Variants in DCAF10 observed in about 807,000 individuals in gnomAD.
The protein encoded by DCAF10 is DDB1 and CUL4 associated factor 10, also known as DDB1- and CUL4-associated factor 10.
DCAF10 carries 19 observed loss-of-function variants against 51.9 expected under a neutral mutation model. That is an observed-to-expected ratio of 0.37 (90% confidence interval 0.26 to 0.54). The LOEUF is 0.54. Ranked by LOEUF, DCAF10 falls within the 20% of genes least tolerant of loss-of-function variation. The pLI, the probability that DCAF10 is intolerant of heterozygous loss-of-function variation, is 0.87. For missense variants in DCAF10, 510 were observed against 730.6 expected, an observed-to-expected ratio of 0.70 and a Z score of 3.48; for synonymous variants, 291 against 297.1, an observed-to-expected ratio of 0.98 and a Z score of 0.21.
intron 1 of DCAF10, among the ~76,000 whole-genome samples, chr9:37,809,523 G>A (rs1369715565): frequency 6.6e-6 from 1 of 152,164 alleles, no homozygotes; most frequent in Non-Finnish European, 1.5e-5. Context: ...AAAATGCACA[G>A]ATAATATTCA....
Position 37,801,276 on chromosome 9 carries a change from T to C in DCAF10, c.410T>C (p.Phe137Ser). Reference protein sequence around the residue: ...LKERSLGRGLFVDPARDNFRT... With the variant: ...LKERSLGRGLSVDPARDNFRT... ...GAGCGCAGCCTGGGCCGCGGGCTGT[T>C]CGTGGACCCGGCGCGGGACAATTTT... The change falls in exon 1 of 7, where the codon TTC becomes TCC. Residue 137 changes from phenylalanine (F) to serine (S), a missense_variant. This residue lies in a region of DCAF10 where 251 missense variants were observed against 227.9 expected (regional missense o/e 1.10). Coordinates refer to ENST00000377724, the MANE Select transcript of DCAF10 (RefSeq NM_024345.5). This position sits in a 1 kb window ranked among gnomAD's most constrained non-coding sequence, Gnocchi z 5.5. 1 of 1,595,474 alleles carries C rather than the reference T, an allele frequency of 6.3e-7. No homozygotes were observed. The highest frequency in any genetic ancestry group is 8.5e-7 in the Non-Finnish European group (1 of 1,173,706).
chr9:37,840,873 A>G (rs1830314666), intron 2 of DCAF10, among the ~76,000 whole-genome samples: 1 of 152,036 alleles, frequency 6.6e-6, no homozygotes, highest in Non-Finnish European at 1.5e-5. Flanking sequence ...CTTTTACTGT[A>G]TTTTTTCTAT....
chr9:37,814,212 T>C (rs1829457745), intron 1 of DCAF10, among the ~76,000 whole-genome samples: 1 of 145,650 alleles, frequency 6.9e-6, no homozygotes, highest in Admixed American at 7.0e-5. Context: ...GATCTCAGGT[T>C]ACTGCAACCT....
chr9:37,842,296 T>C lies in DCAF10; in HGVS notation c.851+10T>C. The C allele has an allele frequency of 6.2e-7, 1 of 1,608,510 alleles. No individual in the cohort carries two copies. The highest frequency in any genetic ancestry group is 8.5e-7 in the Non-Finnish European group (1 of 1,177,974). On this transcript the variant is annotated intron_variant, in intron 3 of 6. Coordinates refer to ENST00000377724, the MANE Select transcript of DCAF10 (RefSeq NM_024345.5). ...TTTGGGACACTAACAGGTTTGTGAA[T>C]AGGAGACCATGTTAGGATTATGAAC...
intron 1 of DCAF10, among the ~76,000 whole-genome samples, chr9:37,804,604 C>T (rs1419645924): frequency 6.6e-6 from 1 of 152,040 alleles, no homozygotes; most frequent in African/African-American, 2.4e-5. Context: ...TGGAGAAACC[C>T]TGTCTCTACT....
intron 4 of DCAF10, 76 bp from the exon 5 acceptor site, chr9:37,857,165 A>G: frequency 8.7e-7 from 1 of 1,155,960 alleles, no homozygotes; most frequent in Non-Finnish European, 1.2e-6. Context: ...CTATGGTTCG[A>G]GTAGATAATT....
chr9:37,826,722 A>G (rs567592144), intron 2 of DCAF10, among the ~76,000 whole-genome samples: 1 of 152,292 alleles, frequency 6.6e-6, no homozygotes, highest in South Asian at 2.1e-4. Flanking sequence ...GAGATTTCAG[A>G]ACCTAGCAGT....
chr9:37,802,258 T>C (rs1828976640), intron 1 of DCAF10, among the ~76,000 whole-genome samples: 1 of 152,228 alleles, frequency 6.6e-6, no homozygotes, highest in Non-Finnish European at 1.5e-5. Context: ...AACCAGCTAA[T>C]GGCACTGTTT....
At position 37,829,144 on chromosome 9, in the gene DCAF10, T is replaced by C. The variant is rs1198657112; in HGVS notation, c.653+9743T>C. On this transcript the variant is annotated intron_variant, in intron 2 of 6. Coordinates refer to ENST00000377724, the MANE Select transcript of DCAF10 (RefSeq NM_024345.5). This position sits in a 1 kb window ranked among gnomAD's most constrained non-coding sequence, Gnocchi z 4.2. ...GCCCTTTAGCAAAAGAGGCAGAGAA[T>C]CACCTAAGATAAACTACAATGAACA... 6.6e-6 allele frequency among the ~76,000 whole-genome samples: 1 copy of C among 152,126 alleles called. No individual in the cohort carries two copies. The highest frequency in any genetic ancestry group is 1.9e-4 in the East Asian group (1 of 5,188).
chr9:37,853,543 T>C lies in DCAF10; in HGVS notation c.852-1237T>C, dbSNP rs553998471. Among the ~76,000 whole-genome samples the C allele has an allele frequency of 3.3e-5, 5 of 150,832 alleles. No individual in the cohort carries two copies. The South Asian group carries it at 8.3e-4, about 25-fold the overall frequency. ...GCATGTATGTAAATCTCAATATACA[T>C]TGACTGTAAATTCTATTTTTTTTAA... On this transcript the variant is annotated intron_variant, in intron 3 of 6. Coordinates refer to ENST00000377724, the MANE Select transcript of DCAF10 (RefSeq NM_024345.5).
In DCAF10 at chr9:37,836,317, C is replaced by T. The variant is rs1830164224; in HGVS notation, c.654-5772C>T. 8.1e-6 allele frequency: 13 copies of T among 1,608,036 alleles called. No homozygotes were observed. In the Admixed American group the frequency reaches 1.3e-4, roughly 16 times the overall value. On this transcript the variant is annotated intron_variant, in intron 2 of 6. Transcript: ENST00000377724. ...AGGGTTGCCATGGAAGTAACAAAGA[C>T]ACAATTAGAACAGTTACCAGAACAC...
chr9:37,859,921 T>C, intron 5 of DCAF10, 127 bp from the exon 6 acceptor site: 1 of 1,140,112 alleles, frequency 8.8e-7, no homozygotes, highest in South Asian at 1.5e-5. Context: ...CTTTAACATA[T>C]GGTAGCATAA....
At chr9:37,831,751 C>T (rs987445860) in intron 2 of DCAF10, among the ~76,000 whole-genome samples, 2 of 152,340 alleles carry the variant, frequency 1.3e-5, no homozygotes, top group East Asian at 3.9e-4. Flanking sequence ...AGGCTTACTT[C>T]TCATTCCTGA....
intron 3 of DCAF10, among the ~76,000 whole-genome samples, chr9:37,847,216 G>C (rs1830499678): frequency 8.0e-6 from 1 of 124,632 alleles, no homozygotes; most frequent in Admixed American, 1.1e-4. Flanking sequence ...TCACACCATT[G>C]CACCCCAGCC....
At chr9:37,831,861 T>C (rs904377299) in intron 2 of DCAF10, among the ~76,000 whole-genome samples, 12 of 150,914 alleles carry the variant, frequency 8.0e-5, no homozygotes, top group African/African-American at 2.0e-4. Context: ...AGGCAGAGAA[T>C]TGCTTGAACC....
intron 2 of DCAF10, among the ~76,000 whole-genome samples, chr9:37,827,934 A>G (rs1829899757): frequency 6.6e-6 from 1 of 152,180 alleles, no homozygotes; most frequent in Admixed American, 6.5e-5. Flanking sequence ...TTAGAGACAG[A>G]GTCCCACTCT....
chr9:37,828,227 A>C (rs1016615621), intron 2 of DCAF10, among the ~76,000 whole-genome samples: 2 of 152,188 alleles, frequency 1.3e-5, no homozygotes, highest in Non-Finnish European at 2.9e-5. Flanking sequence ...GCACTCGTGC[A>C]TGTGTGGGAC....
chr9:37,854,347 A>G (rs1274012494), intron 3 of DCAF10, among the ~76,000 whole-genome samples: 2 of 152,092 alleles, frequency 1.3e-5, no homozygotes, highest in African/African-American at 2.4e-5. Context: ...GGCTCAAGCA[A>G]TCCTCCTGCC....
chr9:37,812,439 A>C (rs1456800598), intron 1 of DCAF10, among the ~76,000 whole-genome samples: 1 of 152,192 alleles, frequency 6.6e-6, no homozygotes, highest in African/African-American at 2.4e-5. Flanking sequence ...AGCTAAGTTC[A>C]CTGCAGAAAC....
Sources: allele counts gnomAD v4.1 joint callset (sites outside exome capture counted in the v4.1 genomes callset), GRCh38; gene constraint gnomAD v4.1.1; regional missense constraint gnomAD v4.1.1; non-coding constraint Gnocchi (gnomAD v3.1); transcripts MANE v1.5; gene names NCBI Gene and HGNC (gene_info 2026-07-23, HGNC 2026-07-21).